PLBD2: variants seen among roughly 807,000 people sequenced by gnomAD.
PLBD2 encodes putative aminopeptidase PLBD2.
A neutral mutation model predicts 68.3 loss-of-function variants in PLBD2; 51 were observed. The observed-to-expected ratio is 0.75, with a 90% CI of 0.60 to 0.94. The LOEUF is 0.94. PLBD2 is among the 40% of genes least tolerant of loss of function. The probability of loss-of-function intolerance (pLI) is 0.00; values close to 1 mark genes in which losing one functional copy is unlikely to be tolerated. For missense variants in PLBD2, 729 were observed against 792.2 expected (o/e 0.92, Z 0.96); for synonymous variants, 314 against 339.3 (o/e 0.93, Z 0.82).
At chr12:113,363,581 C>T (rs896789576) in intron 1 of PLBD2, among the ~76,000 whole-genome samples, 4 of 149,884 alleles carry the variant, frequency 2.7e-5, no homozygotes, top group Non-Finnish European at 5.9e-5. Context: ...CCCTGTTGCC[C>T]AGGCTGGAGT....
At chr12:113,360,078 G>A (rs1229298008) in intron 1 of PLBD2, among the ~76,000 whole-genome samples, 1 of 152,196 alleles carries the variant, frequency 6.6e-6, no homozygotes, top group Non-Finnish European at 1.5e-5. Context: ...GCAGGTGTTA[G>A]GGAGACACAG....
chr12:113,374,432 G>A (rs764932007), intron 3 of PLBD2, 42 bp from the exon 4 acceptor site: 10 of 1,334,292 alleles, frequency 7.5e-6, no homozygotes, highest in African/African-American at 1.4e-5. Flanking sequence ...TGAGCCTGGA[G>A]GAGAGGCCTC....
chr12:113,378,218 G>A lies in PLBD2; in HGVS notation c.860-2527G>A, dbSNP rs1957451024. On this transcript the variant is annotated intron_variant, in intron 5 of 11. Coordinates refer to ENST00000280800, the MANE Select transcript of PLBD2 (RefSeq NM_173542.4). ...GAGGCCCCAGAATTGCTTGAACCGC[G>A]AAGGCAGAGGTTGCAGTGAGCCAAG... Among the ~76,000 whole-genome samples the A allele has an allele frequency of 2.6e-5, 4 of 151,722 alleles. No homozygotes were observed. The South Asian group carries it at 8.3e-4, about 32-fold the overall frequency.
chr12:113,385,331 C>T (rs1356374924), intron 9 of PLBD2, 48 bp downstream of exon 9: 2 of 1,532,686 alleles, frequency 1.3e-6, no homozygotes, highest in Non-Finnish European at 1.8e-6. Context: ...GGGCATCCAC[C>T]TCACTCCTTG....
At chr12:113,378,933 C>G (rs1324976938) in intron 5 of PLBD2, among the ~76,000 whole-genome samples, 1 of 152,192 alleles carries the variant, frequency 6.6e-6, no homozygotes, top group Non-Finnish European at 1.5e-5. Context: ...CTTGGCCTTC[C>G]AAAGTGCTGG....
rs1593295634 is a variant in PLBD2, at chr12:113,391,311, C to CT, written c.*2686dup. 2 of 152,210 alleles carry CT rather than the reference C, an allele frequency of 1.3e-5. No individual in the cohort carries two copies. Among genetic ancestry groups the CT allele is most frequent in the East Asian group, 3.9e-4 (2 of 5,194 alleles). The allele number at this position is 152,210 out of a possible 1,614,324, so 9.4% of individuals were successfully genotyped here. On this transcript the variant is annotated 3_prime_UTR_variant, in exon 12 of 12. Coordinates refer to ENST00000280800, the MANE Select transcript of PLBD2 (RefSeq NM_173542.4). ...TTATTAGCTAGCTATGGACTCCTCTCTGAGCCTCGATTACCTCATCTGTGA... is the reference window on the plus strand; with the variant it reads ...TTATTAGCTAGCTATGGACTCCTCTCTTGAGCCTCGATTACCTCATCTGTGA...
rs151120796 is a variant in PLBD2 at position 113,380,684 on chromosome 12, G to A, written c.860-61G>A. On this transcript the variant is annotated intron_variant, in intron 5 of 11. Transcript: ENST00000280800. ...CTGTGCCTGTGTCTTGTTAGGTAGG[G>A]TGCAGGGGCCTCCACCTGTGCCTGT... The A allele has an allele frequency of 2.9e-4, 397 of 1,377,884 alleles. 3 individuals are homozygous for A. The African/African-American group carries it at 5.2e-3, about 18-fold the overall frequency. 85.4% of individuals were successfully genotyped at this position (1,377,884 alleles called of 1,614,324 possible). A position where few individuals can be genotyped will look rare whatever the true frequency, so the allele number is the denominator to read the frequency against.
Position 113,384,736 on chromosome 12 carries a change from G to A in PLBD2, c.1119-115G>A. The A allele has an allele frequency of 3.8e-6, 3 of 792,438 alleles. No individual in the cohort carries two copies. Among genetic ancestry groups the A allele is most frequent in the Non-Finnish European group, 4.2e-6 (2 of 478,108 alleles). The allele number at this position is 792,438 out of a possible 1,614,324, so 49.1% of individuals were successfully genotyped here. ...GCGTCAGGGTGTCAGTTGAATGGCT[G>A]GACAACCCCAGGCCCACTTCCTGTA... On this transcript the variant is annotated intron_variant, in intron 7 of 11. Transcript: ENST00000280800. This position sits in a 1 kb window ranked among gnomAD's most constrained non-coding sequence, Gnocchi z 4.2.
rs368281389 is a variant in PLBD2, at chr12:113,385,203, C to T, written c.1215-9C>T. On this transcript the variant is annotated splice_polypyrimidine_tract_variant and intron_variant, in intron 8 of 11. Transcript: ENST00000280800. ...ATCACCTCCACCCCATCTCTCTTCT[C>T]GGTCTCAGCGGCATGGTGGTGGTGG... 73 of 1,613,922 alleles carry T rather than the reference C, an allele frequency of 4.5e-5. No homozygotes were observed. In the African/African-American group the frequency reaches 5.1e-4, roughly 11 times the overall value.
chr12:113,387,719 A>T lies in PLBD2; in HGVS notation c.1440-25A>T, dbSNP rs368918211. 30 of 1,607,744 alleles carry T rather than the reference A, an allele frequency of 1.9e-5. No homozygotes were observed. The African/African-American group carries it at 3.7e-4, about 20-fold the overall frequency. On this transcript the variant is annotated intron_variant, in intron 10 of 11. Transcript: ENST00000280800. ...TAGCCTCTCCTTCCTGGGATGACTGATGTTCCCTCCTTTTCCCCATCCAGG... is the reference window on the plus strand; with the variant it reads ...TAGCCTCTCCTTCCTGGGATGACTGTTGTTCCCTCCTTTTCCCCATCCAGG...
At chr12:113,361,186 T>G (rs1416111807) in intron 1 of PLBD2, among the ~76,000 whole-genome samples, 1 of 151,922 alleles carries the variant, frequency 6.6e-6, no homozygotes, top group East Asian at 1.9e-4. Context: ...GGGGCAGGGA[T>G]TTGATGCCTC....
chr12:113,369,767 G>A (rs941429124), intron 2 of PLBD2, among the ~76,000 whole-genome samples: 2 of 152,186 alleles, frequency 1.3e-5, no homozygotes, highest in African/African-American at 4.8e-5. Flanking sequence ...TGGTGCCAGG[G>A]ACTTGGGGGG....
At chr12:113,388,241 C>T (rs1040400540) in intron 11 of PLBD2, among the ~76,000 whole-genome samples, 3 of 151,998 alleles carry the variant, frequency 2.0e-5, no homozygotes, top group African/African-American at 7.3e-5. Context: ...ACTCAGGAGG[C>T]TGAGGCATGA....
intron 2 of PLBD2, among the ~76,000 whole-genome samples, chr12:113,370,537 C>A (rs768399142): frequency 7.6e-6 from 1 of 131,562 alleles, no homozygotes; most frequent in East Asian, 2.2e-4. Context: ...AGTACAGTGG[C>A]GTGATCTTGG....
intron 1 of PLBD2, among the ~76,000 whole-genome samples, chr12:113,363,017 A>G (rs1207298957): frequency 6.7e-6 from 1 of 150,130 alleles, no homozygotes. Context: ...GCTGGTCTTG[A>G]ACTCCTGACG....
At position 113,387,020 on chromosome 12, in the gene PLBD2, C is replaced by T. The variant is rs1957559591; in HGVS notation, c.1370C>T (p.Pro457Leu). The T allele has an allele frequency of 1.2e-6, 2 of 1,612,280 alleles. No homozygotes were observed. The highest frequency in any genetic ancestry group is 1.7e-6 in the Non-Finnish European group (2 of 1,179,336). ...YGDWFSYDGS[P>L]RAQIFRRNQS... ...GACTGGTTTTCTTATGACGGGAGCC[C>T]CCGGGCCCAGATCTTCCGGCGGAAC... Residue 457 changes from proline to leucine, a missense_variant, in exon 10 of 12, where the codon CCC becomes CTC. Pro to Leu is a moderately conservative substitution (Grantham distance 98, BLOSUM62 -3). Coordinates refer to ENST00000280800, the MANE Select transcript of PLBD2 (RefSeq NM_173542.4).
At chr12:113,370,173 T>C (rs1459257388) in intron 2 of PLBD2, among the ~76,000 whole-genome samples, 1 of 152,128 alleles carries the variant, frequency 6.6e-6, no homozygotes, top group East Asian at 1.9e-4. Context: ...GTGCTGGGAT[T>C]ACAGGTGTGA....
At chr12:113,381,222 G>T (rs1957486927) in intron 6 of PLBD2, among the ~76,000 whole-genome samples, 1 of 152,016 alleles carries the variant, frequency 6.6e-6, no homozygotes, top group Non-Finnish European at 1.5e-5. Flanking sequence ...TTGTTTTTAT[G>T]TATTCAGGAT....
chr12:113,382,288 G>A (rs1957498184), intron 6 of PLBD2, among the ~76,000 whole-genome samples: 1 of 152,198 alleles, frequency 6.6e-6, no homozygotes, highest in African/African-American at 2.4e-5. Flanking sequence ...AATACCATAA[G>A]TTAGAAGAAG....
Sources: gnomAD v4.1 joint callset for allele counts (sites outside exome capture counted in the v4.1 genomes callset) on GRCh38, gnomAD v4.1.1 for gene constraint, Gnocchi (gnomAD v3.1) non-coding constraint, MANE v1.5 for transcripts, NCBI Gene and HGNC (gene_info 2026-07-23, HGNC 2026-07-21) for gene names.